Variants in CCDC171 observed in about 807,000 individuals in gnomAD.
CCDC171 encodes coiled-coil domain containing 171.
In CCDC171, 177 loss-of-function variants were observed where a neutral mutation model predicts 168.2. The ratio of observed to expected loss-of-function variants is 1.05; its 90% CI spans 0.93 to 1.19. The LOEUF (loss-of-function observed/expected upper bound fraction) is 1.19. CCDC171 is among the 50% of genes most tolerant of loss of function. The pLI is 0.00. For synonymous variants in CCDC171, 687 were observed against 540.8 expected (o/e 1.27, Z -3.75); for missense variants, 1,991 against 1,539.0 (o/e 1.29, Z -4.91).
intron 9 of CCDC171, among the ~76,000 whole-genome samples, chr9:15,674,536 TC>T (rs2049373065): frequency 6.6e-6 from 1 of 152,230 alleles, no homozygotes; most frequent in African/African-American, 2.4e-5. Flanking sequence ...CTTAACTATG[TC>T]CCAGAGATTC....
At chr9:15,966,280 C>G (rs2987010) in intron 25 of CCDC171, among the ~76,000 whole-genome samples, 76,759 of 151,980 alleles carry the variant, frequency 0.51, 20,744 homozygotes, top group African/African-American at 0.71. Context: ...ACGTGGAGGA[C>G]TCACCCAACA....
chr9:15,747,858 C>T (rs6474963), intron 18 of CCDC171, among the ~76,000 whole-genome samples: 1 of 151,958 alleles, frequency 6.6e-6, no homozygotes, highest in Non-Finnish European at 1.5e-5. Context: ...AGGATCACAA[C>T]TCCTCACCAG....
exon 8 of CCDC171, chr9:16,036,141 C>T (rs1275473374): frequency 6.6e-6 from 1 of 152,230 alleles, no homozygotes; most frequent in African/African-American, 2.4e-5. Context: ...AGGAAGTTCC[C>T]TAAGTACTAT....
chr9:15,903,148 T>G (rs1306810883), intron 24 of CCDC171, among the ~76,000 whole-genome samples: 2 of 152,216 alleles, frequency 1.3e-5, no homozygotes, highest in Admixed American at 6.5e-5. Flanking sequence ...CTCTGCAGAC[T>G]TAAATGTCCC....
chr9:15,860,694 C>T lies in CCDC171; in HGVS notation c.3468+11747C>T, dbSNP rs979764609. On this transcript the variant is annotated intron_variant, in intron 23 of 25. Transcript: ENST00000380701. Reference sequence around the variant, plus strand: ...ACATATGATATATCCTGGAAAATGACGTGTGTACACTTGAGAACAATGCGT... The same window carrying T: ...ACATATGATATATCCTGGAAAATGATGTGTGTACACTTGAGAACAATGCGT... Among the ~76,000 whole-genome samples the T allele has an allele frequency of 4.0e-5, 6 of 151,844 alleles. No homozygotes were observed. The East Asian group carries it at 5.8e-4, about 15-fold the overall frequency.
chr9:16,095,267 C>T, the CCDC171 span, among the ~76,000 whole-genome samples: 4 of 152,286 alleles, frequency 2.6e-5, no homozygotes, highest in African/African-American at 4.8e-5. Flanking sequence ...AGGACACAAT[C>T]GCCTTCGGTG....
intron 4 of CCDC171, among the ~76,000 whole-genome samples, chr9:15,586,933 G>C (rs1038416174): frequency 6.6e-6 from 1 of 152,180 alleles, no homozygotes; most frequent in Non-Finnish European, 1.5e-5. Context: ...TCAGCCTCCT[G>C]AGTAGTTAGG....
chr9:16,080,021 T>G, the CCDC171 span, among the ~76,000 whole-genome samples: 1 of 152,214 alleles, frequency 6.6e-6, no homozygotes, highest in African/African-American at 2.4e-5. Flanking sequence ...GGGGCACTTC[T>G]CATGGCATCA....
chr9:15,635,576 G>A (rs950645723), intron 7 of CCDC171, among the ~76,000 whole-genome samples: 3 of 152,118 alleles, frequency 2.0e-5, no homozygotes, highest in African/African-American at 7.2e-5. Flanking sequence ...CACCCAGACT[G>A]AGGGTAGGCT....
intron 18 of CCDC171, among the ~76,000 whole-genome samples, chr9:15,746,987 C>T (rs2055341032): frequency 1.3e-5 from 2 of 152,190 alleles, no homozygotes; most frequent in Admixed American, 1.3e-4. Flanking sequence ...CCCACAGAGC[C>T]CAGCAAGCTA....
chr9:15,593,381 C>T (rs2042128764), intron 5 of CCDC171, among the ~76,000 whole-genome samples: 1 of 152,134 alleles, frequency 6.6e-6, no homozygotes, highest in Non-Finnish European at 1.5e-5. Flanking sequence ...TCTTGCAGTA[C>T]ACCTCAGAAA....
chr9:15,712,422 T>C (rs2052737666), intron 11 of CCDC171, among the ~76,000 whole-genome samples: 1 of 152,208 alleles, frequency 6.6e-6, no homozygotes, highest in South Asian at 2.1e-4. Context: ...GTTTGTGTTT[T>C]TGTGATGAGA....
chr9:15,608,819 G>C (rs76437822), intron 6 of CCDC171, among the ~76,000 whole-genome samples: 1 of 149,826 alleles, frequency 6.7e-6, no homozygotes, highest in Non-Finnish European at 1.5e-5. Context: ...TTAGCCAGGC[G>C]TAGTGGCATA....
intron 21 of CCDC171, among the ~76,000 whole-genome samples, chr9:15,812,379 T>C (rs1267153670): frequency 1.3e-5 from 2 of 152,162 alleles, no homozygotes; most frequent in African/African-American, 4.8e-5. Context: ...TCTAGGTATA[T>C]TGATTGGCAC....
intron 7 of CCDC171, among the ~76,000 whole-genome samples, chr9:15,639,728 G>A (rs2046452683): frequency 6.6e-6 from 1 of 152,096 alleles, no homozygotes; most frequent in Admixed American, 6.5e-5. Flanking sequence ...AGTTAATCAT[G>A]ATCAAGATGA....
chr9:15,591,983 G>C (rs1439862674), intron 5 of CCDC171, among the ~76,000 whole-genome samples: 1 of 151,950 alleles, frequency 6.6e-6, no homozygotes, highest in Non-Finnish European at 1.5e-5. Context: ...GTATAAACAT[G>C]ATATGTAACA....
intron 21 of CCDC171, among the ~76,000 whole-genome samples, chr9:15,825,028 C>T (rs746931313): frequency 3.3e-5 from 5 of 152,048 alleles, no homozygotes; most frequent in African/African-American, 4.8e-5. Context: ...TTTTCTCCTG[C>T]TCTAACTCTC....
At chr9:15,615,870 C>T (rs1307815008) in intron 6 of CCDC171, among the ~76,000 whole-genome samples, 1 of 151,724 alleles carries the variant, frequency 6.6e-6, no homozygotes, top group African/African-American at 2.4e-5. Flanking sequence ...CCTCTGCCTC[C>T]TAGGCACAAG....
chr9:15,793,605 A>G (rs890061666), intron 21 of CCDC171, among the ~76,000 whole-genome samples: 6 of 113,916 alleles, frequency 5.3e-5, no homozygotes, highest in Non-Finnish European at 8.2e-5. Flanking sequence ...CTCTCTTCCC[A>G]GTGGCTGGAT....
Sources: allele counts gnomAD v4.1 joint callset (sites outside exome capture counted in the v4.1 genomes callset), GRCh38; gene constraint gnomAD v4.1.1; transcripts MANE v1.5; gene names NCBI Gene and HGNC (gene_info 2026-07-23, HGNC 2026-07-21).